The following CSGALNACT1 variants were observed in gnomAD, a reference collection of about 807,000 sequenced individuals.
The protein encoded by CSGALNACT1 is chondroitin sulfate N-acetylgalactosaminyltransferase 1.
In CSGALNACT1, 52 loss-of-function variants were observed where a neutral mutation model predicts 51.0. That is an observed-to-expected ratio of 1.02 (90% CI 0.82 to 1.29). The LOEUF is 1.29. Among genes scored for constraint, CSGALNACT1 ranks in the 50% most tolerant of loss-of-function variants. CSGALNACT1 has a pLI of 0.00. For synonymous variants in CSGALNACT1, 341 were observed against 254.4 expected (o/e 1.34, Z -3.24); for missense variants, 935 against 679.2 (o/e 1.38, Z -4.19).
chr8:19,446,496 A>C (rs1259146166), intron 5 of CSGALNACT1, among the ~76,000 whole-genome samples: 7 of 151,880 alleles, frequency 4.6e-5, no homozygotes, highest in African/African-American at 1.7e-4. Context: ...GAAGCCTGAA[A>C]ATTCATTCAT....
At chr8:19,654,879 A>C (rs4922077) in intron 1 of CSGALNACT1, among the ~76,000 whole-genome samples, 67,588 of 151,898 alleles carry the variant, frequency 0.44, 15,443 homozygotes, top group Middle Eastern at 0.56. Context: ...AAAATTTTTC[A>C]TAAGTATCGA....
chr8:19,651,149 T>G (rs1487844452), intron 1 of CSGALNACT1, among the ~76,000 whole-genome samples: 2 of 152,170 alleles, frequency 1.3e-5, no homozygotes, highest in Admixed American at 6.5e-5. Context: ...AGTACAGAAC[T>G]AGCCATAGAT....
At chr8:19,505,641 T>C in exon 4 of CSGALNACT1, 1 of 1,614,102 alleles carries the variant, frequency 6.2e-7, no homozygotes. Flanking sequence ...GTGCTGCTCC[T>C]CCCACTCCTG....
intron 3 of CSGALNACT1, among the ~76,000 whole-genome samples, chr8:19,565,603 C>G (rs1489623513): frequency 1.3e-5 from 2 of 152,174 alleles, no homozygotes; most frequent in Admixed American, 1.3e-4. Flanking sequence ...CTACTGAAAA[C>G]AGAGCACCTC....
At chr8:19,572,552 G>C (rs2043258869) in intron 3 of CSGALNACT1, among the ~76,000 whole-genome samples, 1 of 152,136 alleles carries the variant, frequency 6.6e-6, no homozygotes, top group Non-Finnish European at 1.5e-5. Context: ...ACCACTTTCT[G>C]GGTACATACT....
intron 4 of CSGALNACT1, among the ~76,000 whole-genome samples, chr8:19,502,488 C>T (rs1456193266): frequency 6.6e-6 from 1 of 152,138 alleles, no homozygotes. Flanking sequence ...TTGAACTTTT[C>T]TTGTTATTTT....
rs189084756 is a variant in CSGALNACT1, at chr8:19,507,568, A to C, written c.-296-1438T>G. 1.9e-3 allele frequency among the ~76,000 whole-genome samples: 294 copies of C among 151,212 alleles called. 1 individual carries two copies. The highest frequency in any genetic ancestry group is 6.7e-3 in the African/African-American group (274 of 40,920). ...AAAAAAAAAAGAATGATTAATGGAAAATAGACCAAATAGAATTTCTTGTCT... is the reference window on the plus strand; with the variant it reads ...AAAAAAAAAAGAATGATTAATGGAACATAGACCAAATAGAATTTCTTGTCT... On this transcript the variant is annotated intron_variant, in intron 3 of 9. Coordinates refer to ENST00000454498, the Ensembl canonical transcript of CSGALNACT1.
Position 19,513,496 on chromosome 8 carries a change from A to G in CSGALNACT1, c.-296-7366T>C, listed in dbSNP as rs138241628. ...CATCTGCCTGCTGTTAAAGAAAATG[A>G]GTATATACAACCAACACCTACAACT... is the stretch of plus-strand genomic sequence containing the variant. On this transcript the variant is annotated intron_variant, in intron 3 of 9. Coordinates refer to ENST00000454498, the Ensembl canonical transcript of CSGALNACT1. Among the ~76,000 whole-genome samples the G allele has an allele frequency of 6.5e-3, 943 of 145,730 alleles. 8 individuals carry two copies. Among genetic ancestry groups the G allele is most frequent in the Middle Eastern group, 0.011 (3 of 266 alleles).
chr8:19,524,234 A>G (rs896574249), intron 3 of CSGALNACT1, among the ~76,000 whole-genome samples: 2 of 152,116 alleles, frequency 1.3e-5, no homozygotes, highest in East Asian at 1.9e-4. Flanking sequence ...ATGCTACAGC[A>G]AGGATCACAC....
chr8:19,694,799 T>TA (rs2061503804), intron 1 of CSGALNACT1, among the ~76,000 whole-genome samples: 1 of 152,132 alleles, frequency 6.6e-6, no homozygotes, highest in Non-Finnish European at 1.5e-5. Context: ...AGCACATTAA[T>TA]AAAAAGAAGA....
intron 3 of CSGALNACT1, among the ~76,000 whole-genome samples, chr8:19,525,894 G>T (rs1209725217): frequency 1.3e-5 from 2 of 152,104 alleles, no homozygotes; most frequent in African/African-American, 4.8e-5. Flanking sequence ...CAGCGTCAGT[G>T]CTGCTCCACT....
In CSGALNACT1 at chr8:19,406,188, C is replaced by A. The variant is rs1395199984; in HGVS notation, c.1310-119G>T. On this transcript the variant is annotated intron_variant, in intron 9 of 9. Transcript: ENST00000454498. Reference sequence around the variant, plus strand: ...CTGGGGGGGATGCGTGCTTCACCACCACCCCTCCAAGGTACGAGAGTGTCC... The same window carrying A: ...CTGGGGGGGATGCGTGCTTCACCACAACCCCTCCAAGGTACGAGAGTGTCC... 4 of 1,175,742 alleles carry A rather than the reference C, an allele frequency of 3.4e-6. No homozygotes were observed. In the Admixed American group the frequency reaches 5.2e-5, roughly 15 times the overall value. 72.8% of individuals were successfully genotyped at this position (1,175,742 alleles called of 1,614,324 possible).
intron 4 of CSGALNACT1, among the ~76,000 whole-genome samples, chr8:19,497,766 G>A (rs1157876337): frequency 6.6e-6 from 1 of 152,150 alleles, no homozygotes; most frequent in Admixed American, 6.5e-5. Context: ...GAACTGCTCA[G>A]GACCAACCTG....
Position 19,478,922 on chromosome 8 carries a change from A to G in CSGALNACT1, c.635-20280T>C, listed in dbSNP as rs145729168. Among the ~76,000 whole-genome samples the G allele has an allele frequency of 5.3e-5, 8 of 152,306 alleles. No homozygotes were observed. In the East Asian group the frequency reaches 1.5e-3, roughly 29 times the overall value. On this transcript the variant is annotated intron_variant, in intron 4 of 9. Transcript: ENST00000454498. ...CTTGTCATGTCATTTTAGGTTGCTA[A>G]TGTTTGGATGGTAGGAAAAACACCA...
chr8:19,588,259 T>G (rs993407999), intron 3 of CSGALNACT1, among the ~76,000 whole-genome samples: 1 of 152,040 alleles, frequency 6.6e-6, no homozygotes, highest in South Asian at 2.1e-4. Flanking sequence ...AACACATATA[T>G]ATACATACAC....
chr8:19,656,041 G>C (rs1167040626), intron 1 of CSGALNACT1, among the ~76,000 whole-genome samples: 1 of 152,124 alleles, frequency 6.6e-6, no homozygotes, highest in African/African-American at 2.4e-5. Flanking sequence ...CAGAATGGAA[G>C]GGGGTACATC....
intron 2 of CSGALNACT1, among the ~76,000 whole-genome samples, chr8:19,600,133 A>T (rs889362474): frequency 3.3e-5 from 5 of 152,088 alleles, no homozygotes; most frequent in African/African-American, 7.2e-5. Context: ...CCCAGGCTGG[A>T]GTGCAATGGC....
intron 3 of CSGALNACT1, among the ~76,000 whole-genome samples, chr8:19,510,792 G>C (rs1300373618): frequency 1.3e-5 from 2 of 152,184 alleles, no homozygotes; most frequent in East Asian, 1.9e-4. Flanking sequence ...GTCAAGATAA[G>C]ATATCCAAGT....
intron 4 of CSGALNACT1, among the ~76,000 whole-genome samples, chr8:19,486,025 C>T (rs1241607218): frequency 6.6e-6 from 1 of 151,630 alleles, no homozygotes; most frequent in Non-Finnish European, 1.5e-5. Flanking sequence ...CTTGGCCTCC[C>T]GAAGTGCTGG....
Sources: gnomAD v4.1 joint callset for allele counts (sites outside exome capture counted in the v4.1 genomes callset) on GRCh38, gnomAD v4.1.1 for gene constraint, MANE v1.5 for transcripts, NCBI Gene and HGNC (gene_info 2026-07-23, HGNC 2026-07-21) for gene names.